Variants in SYNPR observed in about 807,000 individuals in gnomAD.
The protein encoded by SYNPR is synaptoporin.
SYNPR carries 23 observed loss-of-function variants against 32.9 expected under a neutral mutation model. The observed-to-expected ratio is 0.70, with a 90% CI of 0.50 to 0.99. The LOEUF (loss-of-function observed/expected upper bound fraction) is 0.99. Ranked by LOEUF, SYNPR falls within the 50% of genes least tolerant of loss-of-function variation. The pLI is 0.00. For missense variants in SYNPR, 318 were observed against 349.3 expected (o/e 0.91, Z 0.71); for synonymous variants, 146 against 135.9 (o/e 1.07, Z -0.52).
chr3:63,439,790 T>G (rs1371753799), intron 2 of SYNPR, among the ~76,000 whole-genome samples: 1 of 152,216 alleles, frequency 6.6e-6, no homozygotes, highest in African/African-American at 2.4e-5. Context: ...CTTATTCATC[T>G]GTTCTGTATT....
rs1418046051 is a variant in SYNPR at position 63,404,445 on chromosome 3, T to C, written c.85-76387T>C. On this transcript the variant is annotated intron_variant, in intron 2 of 5. Coordinates refer to ENST00000478300, the MANE Select transcript of SYNPR (RefSeq NM_001130003.2). The stretch of plus-strand genomic sequence containing the variant: ...CATAAAAAATGTTTTTCAGACAAGA[T>C]CCCTTATTTAAAAGAAAATCAATTA... Among the ~76,000 whole-genome samples, 7 of 152,292 alleles carry C rather than the reference T, an allele frequency of 4.6e-5. 1 individual carries two copies. The highest frequency in any genetic ancestry group is 1.9e-4 in the East Asian group (1 of 5,188).
intron 4 of SYNPR, among the ~76,000 whole-genome samples, chr3:63,606,500 T>C (rs1216208179): frequency 1.4e-5 from 2 of 142,998 alleles, no homozygotes. Flanking sequence ...GATGCAATCA[T>C]AGCTCACTGC....
chr3:63,492,610 A>G (rs1433019012), intron 3 of SYNPR, among the ~76,000 whole-genome samples: 1 of 152,174 alleles, frequency 6.6e-6, no homozygotes, highest in African/African-American at 2.4e-5. Flanking sequence ...TATGTAATCA[A>G]GGCTGTTGTT....
At position 63,530,049 on chromosome 3, in the gene SYNPR, G is replaced by A. The variant is rs571888434; in HGVS notation, c.210-26494G>A. 5.2e-4 allele frequency among the ~76,000 whole-genome samples: 79 copies of A among 152,156 alleles called. 1 individual carries two copies. The South Asian group carries it at 0.015, about 30-fold the overall frequency. On this transcript the variant is annotated intron_variant, in intron 3 of 5. Coordinates refer to ENST00000478300, the MANE Select transcript of SYNPR (RefSeq NM_001130003.2). Reference sequence around the variant, plus strand: ...TGTTGGGCTGCTGCTCCCCACCCCTGCACCCTGACCCCCATGCCTGTGAGG... The same window carrying A: ...TGTTGGGCTGCTGCTCCCCACCCCTACACCCTGACCCCCATGCCTGTGAGG...
At chr3:63,235,470 G>C (rs2086194043) in intron 1 of SYNPR, among the ~76,000 whole-genome samples, 1 of 152,120 alleles carries the variant, frequency 6.6e-6, no homozygotes, top group Non-Finnish European at 1.5e-5. Context: ...ATTCCACTGG[G>C]CTTACGAATC....
chr3:63,526,424 C>A (rs761155692), intron 3 of SYNPR, among the ~76,000 whole-genome samples: 1 of 152,222 alleles, frequency 6.6e-6, no homozygotes, highest in Non-Finnish European at 1.5e-5. Flanking sequence ...GAACTGGGAT[C>A]ATTTCCCTCT....
At chr3:63,230,337 C>A (rs1221892739) in intron 1 of SYNPR, among the ~76,000 whole-genome samples, 1 of 152,180 alleles carries the variant, frequency 6.6e-6, no homozygotes, top group Non-Finnish European at 1.5e-5. Flanking sequence ...GGATTCTGAT[C>A]TGCTACAGTA....
At chr3:63,433,150 G>A (rs1010555945) in intron 2 of SYNPR, among the ~76,000 whole-genome samples, 1 of 152,188 alleles carries the variant, frequency 6.6e-6, no homozygotes, top group African/African-American at 2.4e-5. Flanking sequence ...GTCTAAGGCT[G>A]ACTTTCCTTT....
chr3:63,260,876 A>G (rs1311196767), intron 2 of SYNPR, among the ~76,000 whole-genome samples: 1 of 76,020 alleles, frequency 1.3e-5, no homozygotes, highest in Middle Eastern at 5.4e-3. Flanking sequence ...AATTTACAAG[A>G]AAAAAAAAAA....
intron 2 of SYNPR, among the ~76,000 whole-genome samples, chr3:63,424,649 T>C (rs980842607): frequency 3.3e-5 from 5 of 152,130 alleles, no homozygotes; most frequent in African/African-American, 1.2e-4. Flanking sequence ...TTAAAAAAAA[T>C]AAACAAGCTT....
At chr3:63,589,094 G>A (rs1388414606) in intron 4 of SYNPR, among the ~76,000 whole-genome samples, 2 of 151,996 alleles carry the variant, frequency 1.3e-5, no homozygotes, top group Non-Finnish European at 2.9e-5. Context: ...ACTCCCTCTA[G>A]AGGCCAATTC....
chr3:63,258,704 C>A (rs1243227487), intron 2 of SYNPR, among the ~76,000 whole-genome samples: 5 of 151,722 alleles, frequency 3.3e-5, no homozygotes, highest in African/African-American at 7.3e-5. Context: ...TAGCAGAAGG[C>A]AAGAAATAAC....
chr3:63,432,092 G>A (rs901422409), intron 2 of SYNPR, among the ~76,000 whole-genome samples: 5 of 152,104 alleles, frequency 3.3e-5, no homozygotes, highest in Admixed American at 6.5e-5. Flanking sequence ...CCTGCTTCCC[G>A]CACCTCCTAT....
rs79591176 is a variant in SYNPR, at chr3:63,457,537, T to C, written c.85-23295T>C. Among the ~76,000 whole-genome samples, 1,286 of 152,188 alleles carry C rather than the reference T, an allele frequency of 8.5e-3. 57 individuals carry two copies. In the East Asian group the frequency reaches 0.13, roughly 16 times the overall value. ...TGAAATAAATTAGATCAAAATAAGATTGAAGAGATCTTCAAGTGCTGCAAC... is the reference window on the plus strand; with the variant it reads ...TGAAATAAATTAGATCAAAATAAGACTGAAGAGATCTTCAAGTGCTGCAAC... On this transcript the variant is annotated intron_variant, in intron 2 of 5. Transcript: ENST00000478300.
intron 2 of SYNPR, among the ~76,000 whole-genome samples, chr3:63,410,817 C>G (rs766425369): frequency 6.6e-6 from 1 of 152,084 alleles, no homozygotes; most frequent in Non-Finnish European, 1.5e-5. Context: ...TGAGGGGCAG[C>G]AGAAGCCCCT....
At chr3:63,465,115 T>C (rs1700652781) in intron 2 of SYNPR, among the ~76,000 whole-genome samples, 2 of 152,214 alleles carry the variant, frequency 1.3e-5, no homozygotes, top group Non-Finnish European at 2.9e-5. Context: ...TATTGAAAGA[T>C]GGCGAGGATC....
intron 2 of SYNPR, among the ~76,000 whole-genome samples, chr3:63,394,391 A>G (rs2088185632): frequency 6.6e-6 from 1 of 152,180 alleles, no homozygotes; most frequent in African/African-American, 2.4e-5. Context: ...GGCTCTTCCA[A>G]GGGATTATTA....
At chr3:63,406,153 G>A (rs532796712) in intron 2 of SYNPR, among the ~76,000 whole-genome samples, 2 of 151,760 alleles carry the variant, frequency 1.3e-5, no homozygotes, top group Admixed American at 6.6e-5. Flanking sequence ...AGAGAACAAC[G>A]AGATGAGGAT....
chr3:63,540,928 C>T (rs1410225315), intron 3 of SYNPR, among the ~76,000 whole-genome samples: 1 of 116,292 alleles, frequency 8.6e-6, no homozygotes, highest in African/African-American at 3.0e-5. Flanking sequence ...AATCCCCCCC[C>T]CAACACACAC....
Sources: gnomAD v4.1 joint callset for allele counts (sites outside exome capture counted in the v4.1 genomes callset) on GRCh38, gnomAD v4.1.1 for gene constraint, MANE v1.5 for transcripts, NCBI Gene and HGNC (gene_info 2026-07-23, HGNC 2026-07-21) for gene names.